The following ZNF346 variants were observed in gnomAD, a reference collection of about 807,000 sequenced individuals.
ZNF346 encodes the protein double-stranded RNA-binding zinc finger protein JAZ.
A neutral mutation model predicts 33.7 loss-of-function variants in ZNF346; 23 were observed. The observed-to-expected ratio is 0.68, with a 90% CI of 0.49 to 0.97. ZNF346 has a LOEUF of 0.97. ZNF346 is among the 50% of genes least tolerant of loss of function. ZNF346 has a pLI of 0.00. For synonymous variants in ZNF346, 134 were observed against 142.4 expected (o/e 0.94, Z 0.42); for missense variants, 340 against 371.1 (o/e 0.92, Z 0.69).
intron 1 of ZNF346, among the ~76,000 whole-genome samples, chr5:177,028,521 T>TATATATATATATATATA (rs56006820): frequency 3.9e-4 from 53 of 135,814 alleles, no homozygotes; most frequent in East Asian, 1.5e-3. Flanking sequence ...TATATATATA[T>TATATATATATATATATA]TTCCCTCCAT....
In ZNF346 at chr5:177,066,557, C is replaced by A. The variant is rs908160399; in HGVS notation, c.*1958C>A. ...ATTCTTGAAAGAGCATTTTTCATGA[C>A]TCAAAAATGAGCTGAGAAGGAGTGT... On this transcript the variant is annotated 3_prime_UTR_variant, in exon 7 of 7. Transcript: ENST00000358149. Among the ~76,000 whole-genome samples, 4 of 151,864 alleles carry A rather than the reference C, an allele frequency of 2.6e-5. No individual in the cohort carries two copies. Among genetic ancestry groups the A allele is most frequent in the Non-Finnish European group, 5.9e-5 (4 of 67,980 alleles).
At chr5:177,028,808 C>T (rs1777265424) in intron 1 of ZNF346, among the ~76,000 whole-genome samples, 2 of 148,238 alleles carry the variant, frequency 1.3e-5, no homozygotes, top group South Asian at 2.1e-4. Context: ...CAAGCTCCGC[C>T]TCCCAGGTTC....
chr5:177,027,317 G>A (rs1039224262), intron 1 of ZNF346, among the ~76,000 whole-genome samples: 24 of 152,158 alleles, frequency 1.6e-4, no homozygotes, highest in African/African-American at 5.8e-4. Flanking sequence ...CCAAAGTGCT[G>A]GGATTACAGG....
chr5:177,040,775 CCT>C (rs1453725446), intron 1 of ZNF346, among the ~76,000 whole-genome samples: 1 of 152,226 alleles, frequency 6.6e-6, no homozygotes, highest in Non-Finnish European at 1.5e-5. Flanking sequence ...TATCTTAAAA[CCT>C]CTCAGCACAG....
intron 1 of ZNF346, 135 bp downstream of exon 1, chr5:177,023,048 C>T: frequency 1.4e-6 from 2 of 1,444,852 alleles, no homozygotes; most frequent in Non-Finnish European, 1.9e-6. Context: ...GACTTGTGCT[C>T]CCCATCCGGG....
chr5:177,045,795 A>G (rs1386573047), intron 4 of ZNF346, among the ~76,000 whole-genome samples: 1 of 152,056 alleles, frequency 6.6e-6, no homozygotes, highest in East Asian at 1.9e-4. Flanking sequence ...CTGGCCACTC[A>G]TAATTACACC....
At position 177,077,234 on chromosome 5, in the gene ZNF346, A is replaced by C. The variant is rs1439531628; in HGVS notation, c.*3-2148A>C. ...AAAAGGTTTTAAACAAATAGCAGTG[A>C]AAACAGGATGAATTTGCTGCCATGT... On this transcript the variant is annotated intron_variant, in intron 8 of 8. Transcript: ENST00000503039. This position sits in a 1 kb window ranked among gnomAD's most constrained non-coding sequence, Gnocchi z 5.0. Among the ~76,000 whole-genome samples, 1 of 152,234 alleles carries C rather than the reference A, an allele frequency of 6.6e-6. No individual in the cohort carries two copies. The highest frequency in any genetic ancestry group is 2.4e-5 in the African/African-American group (1 of 41,470).
At chr5:177,031,429 C>T (rs1777673817) in intron 1 of ZNF346, among the ~76,000 whole-genome samples, 1 of 151,632 alleles carries the variant, frequency 6.6e-6, no homozygotes, top group South Asian at 2.1e-4. Context: ...CATTCCAGTG[C>T]CTTCTGGCCT....
downstream of ZNF346, among the ~76,000 whole-genome samples, chr5:177,069,108 G>A (rs904902073): frequency 7.0e-6 from 1 of 142,864 alleles, no homozygotes; most frequent in African/African-American, 3.0e-5. Flanking sequence ...CATACATTTT[G>A]CACAATATTA....
At chr5:177,070,278 C>T (rs114070774), downstream of ZNF346, among the ~76,000 whole-genome samples, 462 of 152,240 alleles carry the variant, frequency 3.0e-3, 3 homozygotes, top group African/African-American at 0.011. Context: ...TCCATAGTTC[C>T]TGACTTGAAA....
chr5:177,026,283 G>A (rs1023742388), intron 1 of ZNF346, among the ~76,000 whole-genome samples: 6 of 151,424 alleles, frequency 4.0e-5, no homozygotes, highest in Admixed American at 1.3e-4. Flanking sequence ...GGCATTACAC[G>A]CGTGAGCTAC....
intron 4 of ZNF346, among the ~76,000 whole-genome samples, chr5:177,047,011 T>C (rs1357426377): frequency 6.6e-6 from 1 of 150,470 alleles, no homozygotes; most frequent in Non-Finnish European, 1.5e-5. Context: ...TGTGGGGTTT[T>C]TAAAATTTTT....
intron 8 of ZNF346, among the ~76,000 whole-genome samples, chr5:177,075,332 G>A (rs1439119793): frequency 6.6e-6 from 1 of 151,956 alleles, no homozygotes; most frequent in Non-Finnish European, 1.5e-5. Context: ...GATCCCAGGA[G>A]GCAGAGGTTG....
intron 5 of ZNF346, among the ~76,000 whole-genome samples, chr5:177,058,750 G>A (rs550636364): frequency 1.2e-4 from 19 of 152,160 alleles, no homozygotes; most frequent in Non-Finnish European, 2.6e-4. Context: ...CCAGCTCTCA[G>A]CATACTTGGC....
chr5:177,023,033 C>G, intron 1 of ZNF346, 120 bp downstream of exon 1: 1 of 1,443,856 alleles, frequency 6.9e-7, no homozygotes, highest in African/African-American at 1.4e-5. Flanking sequence ...GCCCCGGGAC[C>G]CCCAGACTTG....
rs557828707 is a variant in ZNF346, at chr5:177,057,737, C to CA, written c.704-4307dup. On this transcript the variant is annotated intron_variant, in intron 5 of 6. Transcript: ENST00000358149. ...TGGGCGACGGGGTGAGACCCTGTCT[C>CA]AAAAAAAAAAAAAAGAAAAATCAGG... 4.3e-3 allele frequency among the ~76,000 whole-genome samples: 447 copies of CA among 104,806 alleles called. 3 individuals are homozygous for CA. Among genetic ancestry groups the CA allele is most frequent in the African/African-American group, 0.01 (334 of 32,994 alleles). The allele number at this position is 104,806 out of a possible 152,430, so 68.8% of individuals were successfully genotyped here. A position where few individuals can be genotyped will look rare whatever the true frequency, so the allele number is the denominator to read the frequency against.
intron 5 of ZNF346, among the ~76,000 whole-genome samples, chr5:177,056,193 C>T (rs1781656844): frequency 6.6e-6 from 1 of 151,952 alleles, no homozygotes; most frequent in African/African-American, 2.4e-5. Context: ...TGAGATCACA[C>T]CACTGCACTG....
chr5:177,048,386 C>G (rs908139033), intron 4 of ZNF346, among the ~76,000 whole-genome samples: 21 of 152,198 alleles, frequency 1.4e-4, no homozygotes, highest in Admixed American at 3.3e-4. Flanking sequence ...CTTTGGGAGG[C>G]TGAGGCGGGT....
intron 2 of ZNF346, 150 bp downstream of exon 2, chr5:177,041,379 T>TA (rs1779317059): frequency 1.5e-6 from 1 of 660,542 alleles, no homozygotes; most frequent in Non-Finnish European, 2.7e-6. Context: ...AAGATTGACT[T>TA]AATCTCCTTG....
Sources: gnomAD v4.1 joint callset for allele counts (sites outside exome capture counted in the v4.1 genomes callset) on GRCh38, gnomAD v4.1.1 for gene constraint, Gnocchi (gnomAD v3.1) non-coding constraint, MANE v1.5 for transcripts, NCBI Gene and HGNC (gene_info 2026-07-23, HGNC 2026-07-21) for gene names.